SNTG1: variants seen among roughly 807,000 people sequenced by gnomAD.
SNTG1 encodes the protein syntrophin gamma 1.
SNTG1 carries 39 observed loss-of-function variants against 74.7 expected under a neutral mutation model. The ratio of observed to expected loss-of-function variants is 0.52; its 90% CI spans 0.40 to 0.68. The LOEUF is 0.68. SNTG1 is among the 30% of genes least tolerant of loss of function. The probability of loss-of-function intolerance (pLI) is 0.00; values close to 1 mark genes in which losing one functional copy is unlikely to be tolerated. For synonymous variants in SNTG1, 254 were observed against 217.1 expected, an observed-to-expected ratio of 1.17 and a Z score of -1.49; for missense variants, 685 against 609.5, an observed-to-expected ratio of 1.12 and a Z score of -1.30.
intron 5 of SNTG1, among the ~76,000 whole-genome samples, chr8:50,440,720 G>A (rs1005346705): frequency 4.6e-5 from 7 of 152,210 alleles, no homozygotes; most frequent in Admixed American, 6.5e-5. Context: ...GGAAAGACTC[G>A]TGGTGAGAAT....
chr8:49,965,665 A>C (rs1811073489), intron 1 of SNTG1, among the ~76,000 whole-genome samples: 1 of 152,162 alleles, frequency 6.6e-6, no homozygotes, highest in Non-Finnish European at 1.5e-5. Flanking sequence ...CTCTAGCCCC[A>C]TCAGAAATGT....
At chr8:50,292,773 T>C (rs1184142447) in intron 2 of SNTG1, among the ~76,000 whole-genome samples, 1 of 152,180 alleles carries the variant, frequency 6.6e-6, no homozygotes, top group East Asian at 1.9e-4. Flanking sequence ...GCAACAGAAC[T>C]GGGATGTATA....
At chr8:50,012,160 A>C (rs2130582094) in intron 1 of SNTG1, among the ~76,000 whole-genome samples, 1 of 152,242 alleles carries the variant, frequency 6.6e-6, no homozygotes, top group African/African-American at 2.4e-5. Flanking sequence ...TATTTCTTTA[A>C]ATTTAAAAAA....
At chr8:50,137,608 A>G (rs1421108428) in intron 1 of SNTG1, among the ~76,000 whole-genome samples, 1 of 152,218 alleles carries the variant, frequency 6.6e-6, no homozygotes, top group African/African-American at 2.4e-5. Context: ...CAAGAAGGCG[A>G]CAGAATGACA....
intron 1 of SNTG1, among the ~76,000 whole-genome samples, chr8:50,025,346 T>C (rs4873402): frequency 0.11 from 16,889 of 152,126 alleles, 2,538 homozygotes; most frequent in African/African-American, 0.33. Context: ...TGTATTTTCC[T>C]CTACCAATTT....
rs544675995 is a variant in SNTG1, at chr8:50,526,230, C to G, written c.467-3947C>G. ...GAGTATGCTATGTCTATCAGTGCAC[C>G]CAGTCAGTGACACAGAAACCAGACC... is the stretch of plus-strand genomic sequence containing the variant. On this transcript the variant is annotated intron_variant, in intron 9 of 18. Coordinates refer to ENST00000642720, the MANE Select transcript of SNTG1 (RefSeq NM_018967.5). Among the ~76,000 whole-genome samples the G allele has an allele frequency of 1.7e-3, 257 of 152,188 alleles. 1 individual carries two copies. Among genetic ancestry groups the G allele is most frequent in the African/African-American group, 6.0e-3 (248 of 41,536 alleles).
chr8:50,580,622 T>G (rs2094604369), intron 12 of SNTG1, among the ~76,000 whole-genome samples: 1 of 152,194 alleles, frequency 6.6e-6, no homozygotes, highest in Non-Finnish European at 1.5e-5. Flanking sequence ...TCAGGAGATC[T>G]GATGGTTTTA....
chr8:50,414,881 C>T (rs2092995334), intron 4 of SNTG1, among the ~76,000 whole-genome samples: 2 of 151,974 alleles, frequency 1.3e-5, no homozygotes, highest in Admixed American at 6.6e-5. Flanking sequence ...AATCGTTGTT[C>T]GTATGAGGGA....
At position 50,795,243 on chromosome 8, in the gene SNTG1, AT is replaced by A. The variant is rs902660837; in HGVS notation, c.*2417del. On this transcript the variant is annotated 3_prime_UTR_variant, in exon 19 of 19. Coordinates refer to ENST00000642720, the MANE Select transcript of SNTG1 (RefSeq NM_018967.5). Reference sequence around the variant, plus strand: ...ATAAAAAACATAAGCCGTGATTTTTATTTAACATGATTAGTACAACAGCCAA... The same window carrying A: ...ATAAAAAACATAAGCCGTGATTTTTATTAACATGATTAGTACAACAGCCAA... 5 of 151,998 alleles carry A rather than the reference AT, an allele frequency of 3.3e-5. No individual in the cohort carries two copies. Among genetic ancestry groups the A allele is most frequent in the Non-Finnish European group, 7.4e-5 (5 of 67,950 alleles). The allele number at this position is 151,998 out of a possible 1,614,324, so 9.4% of individuals were successfully genotyped here.
rs1240628743 is a variant in SNTG1, at chr8:50,568,913, C to G, written c.810+15734C>G. On this transcript the variant is annotated intron_variant, in intron 12 of 18. Coordinates refer to ENST00000642720, the MANE Select transcript of SNTG1 (RefSeq NM_018967.5). ...GGCTTTTATCTTATGGCCTTCAAGT[C>G]CTGGTCATGGAGGGCGACAACAGCT... 3.3e-5 allele frequency: 5 copies of G among 152,156 alleles called. No individual in the cohort carries two copies. In the East Asian group the frequency reaches 7.8e-4, roughly 24 times the overall value. 9.4% of individuals were successfully genotyped at this position (152,156 alleles called of 1,614,324 possible). A position where few individuals can be genotyped will look rare whatever the true frequency, so the allele number is the denominator to read the frequency against.
chr8:50,265,943 C>A (rs1014286909), intron 2 of SNTG1, among the ~76,000 whole-genome samples: 5 of 151,456 alleles, frequency 3.3e-5, no homozygotes, highest in African/African-American at 7.3e-5. Context: ...TTTTAAGAAA[C>A]CTAAATGAAT....
Position 50,341,305 on chromosome 8 carries a change from A to T in SNTG1, c.-27-52907A>T, listed in dbSNP as rs796331996. On this transcript the variant is annotated intron_variant, in intron 2 of 18. Coordinates refer to ENST00000642720, the MANE Select transcript of SNTG1 (RefSeq NM_018967.5). ...GTGGAGTTCAAACATGGGACAAATAAGAGTTGGAGGAATGGTGACTAACAT... is the reference window on the plus strand; with the variant it reads ...GTGGAGTTCAAACATGGGACAAATATGAGTTGGAGGAATGGTGACTAACAT... Among the ~76,000 whole-genome samples, 13 of 152,076 alleles carry T rather than the reference A, an allele frequency of 8.5e-5. 1 individual carries two copies. Among genetic ancestry groups the T allele is most frequent in the African/African-American group, 3.1e-4 (13 of 41,564 alleles).
chr8:50,158,276 T>C (rs1303264127), intron 1 of SNTG1, among the ~76,000 whole-genome samples: 2 of 152,176 alleles, frequency 1.3e-5, no homozygotes, highest in East Asian at 3.9e-4. Flanking sequence ...ATGAAATCTA[T>C]TCATCTTTCA....
chr8:49,960,880 G>C (rs1810619481), intron 1 of SNTG1, among the ~76,000 whole-genome samples: 6 of 152,136 alleles, frequency 3.9e-5, no homozygotes, highest in Admixed American at 3.9e-4. Flanking sequence ...TTCTTGGGTA[G>C]AGTATTGAAT....
At chr8:50,415,477 A>T (rs2093002704) in intron 4 of SNTG1, among the ~76,000 whole-genome samples, 1 of 152,118 alleles carries the variant, frequency 6.6e-6, no homozygotes, top group Non-Finnish European at 1.5e-5. Context: ...TTAACATAAT[A>T]TATCAAGGAG....
chr8:50,323,799 C>T (rs1267761815), intron 2 of SNTG1, among the ~76,000 whole-genome samples: 1 of 152,110 alleles, frequency 6.6e-6, no homozygotes, highest in Non-Finnish European at 1.5e-5. Context: ...GGCAAGATCC[C>T]CAGTCCCTGA....
At chr8:50,197,781 T>C (rs1195213512) in intron 2 of SNTG1, among the ~76,000 whole-genome samples, 1 of 152,190 alleles carries the variant, frequency 6.6e-6, no homozygotes, top group East Asian at 1.9e-4. Context: ...TACACAGTTT[T>C]ATCATTTTTC....
Position 50,331,536 on chromosome 8 carries a change from C to G in SNTG1, c.-27-62676C>G, listed in dbSNP as rs147343844. Among the ~76,000 whole-genome samples, 30 of 152,222 alleles carry G rather than the reference C, an allele frequency of 2.0e-4. No homozygotes were observed. In the East Asian group the frequency reaches 5.2e-3, roughly 26 times the overall value. ...AATCAGATGATACAGTGTCCATGGT[C>G]AGAATTTTTCCATTTCAGTCTAAAT... On this transcript the variant is annotated intron_variant, in intron 2 of 18. Transcript: ENST00000642720.
At chr8:50,500,830 G>C (rs145482565) in intron 8 of SNTG1, among the ~76,000 whole-genome samples, 1 of 152,128 alleles carries the variant, frequency 6.6e-6, no homozygotes, top group Non-Finnish European at 1.5e-5. Flanking sequence ...GATGGAAAAA[G>C]CTTTCCCAGG....
Sources: allele counts gnomAD v4.1 joint callset (sites outside exome capture counted in the v4.1 genomes callset), GRCh38; gene constraint gnomAD v4.1.1; transcripts MANE v1.5; gene names NCBI Gene and HGNC (gene_info 2026-07-23, HGNC 2026-07-21).